The following SLC12A3 variants were observed in gnomAD, a reference collection of about 807,000 sequenced individuals.
The protein encoded by SLC12A3 is Na-Cl cotransporter.
In SLC12A3, 104 loss-of-function variants were observed where a neutral mutation model predicts 121.0. The observed-to-expected ratio is 0.86, with a 90% CI of 0.73 to 1.01. The LOEUF (loss-of-function observed/expected upper bound fraction) is 1.01, where lower values mean the gene tolerates loss of function less well. SLC12A3 is among the 50% of genes least tolerant of loss of function. The probability of loss-of-function intolerance (pLI) is 0.00; values close to 1 mark genes in which losing one functional copy is unlikely to be tolerated. For synonymous variants in SLC12A3, 536 were observed against 533.4 expected (o/e 1.00, Z -0.07); for missense variants, 1,328 against 1,356.3 (o/e 0.98, Z 0.33).
intron 24 of SLC12A3, among the ~76,000 whole-genome samples, chr16:56,902,929 T>C (rs780276594): frequency 2.6e-5 from 4 of 152,020 alleles, no homozygotes; most frequent in African/African-American, 4.8e-5. Context: ...GTGGATCACT[T>C]GAGGTCAGGA....
rs150006445 is a variant in SLC12A3 at position 56,884,154 on chromosome 16, C to T, written c.1775C>T (p.Ala592Val). The T allele has an allele frequency of 1.2e-5, 19 of 1,614,196 alleles. No homozygotes were observed. In the East Asian group the frequency reaches 4.0e-4, roughly 34 times the overall value. ...CTCACCTGGTGGGCGGCCCTCATCGCCATTGGCGTGGTGCTCTTCCTCCTG... is the reference window on the plus strand; with the variant it reads ...CTCACCTGGTGGGCGGCCCTCATCGTCATTGGCGTGGTGCTCTTCCTCCTG... The part of the protein sequence containing the change: ...FLLTWWAALI[A>V]IGVVLFLLLY... Residue 592 changes from alanine (A) to valine (V), a missense_variant, in exon 14 of 26, where the codon GCC (alanine) becomes GTC (valine). Physicochemically the swap from Ala to Val is moderately conservative, Grantham distance 64. Coordinates refer to ENST00000563236, the MANE Select transcript of SLC12A3 (RefSeq NM_001126108.2).
chr16:56,887,209 A>T, intron 17 of SLC12A3, 116 bp downstream of exon 17: 1 of 1,348,292 alleles, frequency 7.4e-7, no homozygotes, highest in Non-Finnish European at 1.0e-6. Context: ...AGGAGCCCCA[A>T]CTTTTTTTTT....
chr16:56,902,214 G>T, intron 23 of SLC12A3, 159 bp from the exon 24 acceptor site: 1 of 892,938 alleles, frequency 1.1e-6, no homozygotes, highest in Non-Finnish European at 1.7e-6. Flanking sequence ...CAGCAGAGCT[G>T]AATTCAACAT....
At chr16:56,869,598 A>C (rs2055060833) in intron 3 of SLC12A3, 131 bp from the exon 4 acceptor site, 1 of 768,014 alleles carries the variant, frequency 1.3e-6, no homozygotes, top group Non-Finnish European at 2.3e-6. Context: ...AGTGACAGAG[A>C]CCCATTTTTC....
chr16:56,877,892 G>A (rs1432669729), intron 8 of SLC12A3, among the ~76,000 whole-genome samples, 185 bp from the exon 9 acceptor site: 1 of 152,230 alleles, frequency 6.6e-6, no homozygotes, highest in Non-Finnish European at 1.5e-5. Flanking sequence ...TCAGTCATGA[G>A]GCTCCTTCCT....
intron 22 of SLC12A3, among the ~76,000 whole-genome samples, chr16:56,896,837 AT>A (rs1307864649): frequency 6.6e-6 from 1 of 152,140 alleles, no homozygotes; most frequent in African/African-American, 2.4e-5. Context: ...TATGCTTGCA[AT>A]CTCAGCACTT....
At chr16:56,873,545 C>T (rs1365373522) in intron 8 of SLC12A3, among the ~76,000 whole-genome samples, 2 of 149,412 alleles carry the variant, frequency 1.3e-5, no homozygotes, top group Non-Finnish European at 3.0e-5. Context: ...TGCCACCGCA[C>T]CCGGTTAATA....
Position 56,899,574 on chromosome 16 carries a change from T to C in SLC12A3, c.2678T>C (p.Val893Ala). The C allele has an allele frequency of 6.2e-7, 1 of 1,614,170 alleles. No homozygotes were observed. The highest frequency in any genetic ancestry group is 8.5e-7 in the Non-Finnish European group (1 of 1,179,974). The change falls in exon 23 of 26, where the codon GTC (valine) becomes GCC (alanine). Residue 893 changes from valine (V) to alanine (A), a missense_variant. Physicochemically the swap from Val to Ala is moderately conservative, Grantham distance 64 (BLOSUM62 0). Coordinates refer to ENST00000563236, the MANE Select transcript of SLC12A3 (RefSeq NM_001126108.2). ...LSKFRLGFHE[V>A]HILPDINQNP... is the part of the protein sequence containing the mutation. ...AAGTTCCGACTGGGATTCCATGAAG[T>C]CCACATCCTCCCTGACATCAACCAG...
chr16:56,882,281 CTG>C lies in SLC12A3; in HGVS notation c.1568-114_1568-113del, dbSNP rs2055251177. ...CATTTCACAGATGAGAAGGTTGAGACTGACTGAGCCTTGGTGGCCTGTCTGGG... is the reference window on the plus strand; with the variant it reads ...CATTTCACAGATGAGAAGGTTGAGACACTGAGCCTTGGTGGCCTGTCTGGG... On this transcript the variant is annotated intron_variant, in intron 12 of 25. Coordinates refer to ENST00000563236, the MANE Select transcript of SLC12A3 (RefSeq NM_001126108.2). 4.9e-6 allele frequency: 4 copies of C among 812,948 alleles called. No individual in the cohort carries two copies. The East Asian group carries it at 9.8e-5, about 20-fold the overall frequency. The allele number at this position is 812,948 out of a possible 1,614,324, so 50.4% of individuals were successfully genotyped here. A position where few individuals can be genotyped will look rare whatever the true frequency, so the allele number is the denominator to read the frequency against.
Position 56,904,386 on chromosome 16 carries a change from C to T in SLC12A3, c.2857-9C>T. On this transcript the variant is annotated splice_polypyrimidine_tract_variant and intron_variant, in intron 24 of 25. Coordinates refer to ENST00000563236, the MANE Select transcript of SLC12A3 (RefSeq NM_001126108.2). The stretch of plus-strand genomic sequence containing the variant: ...ATGGGAAGTGACCACTCGGCTTTCT[C>T]CCGCCCAGTCCCTTCGGCAGGTGAG... 6.2e-7 allele frequency: 1 copy of T among 1,613,742 alleles called. No homozygotes were observed. The highest frequency in any genetic ancestry group is 8.5e-7 in the Non-Finnish European group (1 of 1,179,628).
intron 8 of SLC12A3, 136 bp downstream of exon 8, chr16:56,872,922 C>T (rs562055247): frequency 1.7e-6 from 2 of 1,142,980 alleles, no homozygotes; most frequent in East Asian, 2.4e-5. Flanking sequence ...TCCAACTCAG[C>T]TCAGTTCAAC....
intron 25 of SLC12A3, among the ~76,000 whole-genome samples, chr16:56,912,509 T>C (rs711749): frequency 0.58 from 88,391 of 151,980 alleles, 26,251 homozygotes; most frequent in African/African-American, 0.68. Flanking sequence ...AACAGGAACA[T>C]ATCACATTGC....
Position 56,879,150 on chromosome 16 carries a change from G to A in SLC12A3, c.1258G>A (p.Ala420Thr), listed in dbSNP as rs137970015. ...TPGWGACEGL[A>T]CSYGWNFTEC... ...TGGCTGGGGTGCCTGCGAGGGGCTG[G>A]CCTGCAGCTATGGCTGGAACTTCAC... The change falls in exon 10 of 26, where the codon GCC (alanine) becomes ACC (threonine). Residue 420 changes from alanine to threonine, a missense_variant. Transcript: ENST00000563236. The A allele has an allele frequency of 2.4e-5, 38 of 1,613,636 alleles. No homozygotes were observed. Among genetic ancestry groups the A allele is most frequent in the East Asian group, 1.6e-4 (7 of 44,890 alleles).
intron 25 of SLC12A3, among the ~76,000 whole-genome samples, chr16:56,912,075 C>A (rs572857802): frequency 1.6e-3 from 250 of 152,390 alleles, no homozygotes; most frequent in African/African-American, 5.9e-3. Context: ...ATCCTCCTCC[C>A]GCCCCAGTTC....
chr16:56,888,030 C>A lies in SLC12A3; in HGVS notation c.2284C>A (p.His762Asn). 6.2e-7 allele frequency: 1 copy of A among 1,606,980 alleles called. No homozygotes were observed. The highest frequency in any genetic ancestry group is 8.5e-7 in the Non-Finnish European group (1 of 1,174,544). ...ATVEDYIGIL[H>N]DAFDFNYGVC... ...AGTGGAAGACTACATTGGCATCCTC[C>A]AGTGAGTCGGGGGAGAGGAAGGGGC... is the stretch of plus-strand genomic sequence containing the variant. Residue 762 changes from histidine (H) to asparagine (N), a missense_variant and splice_region_variant, in exon 18 of 26, where the codon CAT (histidine) becomes AAT (asparagine). Physicochemically the swap from His to Asn is moderately conservative, Grantham distance 68 (BLOSUM62 1). Transcript: ENST00000563236.
chr16:56,904,921 C>A (rs1045668726), intron 25 of SLC12A3: 5 of 290,608 alleles, frequency 1.7e-5, no homozygotes, highest in Non-Finnish European at 3.4e-5. Context: ...CTACTGGACC[C>A]ACGTCCAGTT....
At position 56,865,472 on chromosome 16, in the gene SLC12A3, C is replaced by T; in HGVS notation, c.237C>T (p.Pro79=). 3 of 1,613,892 alleles carry T rather than the reference C, an allele frequency of 1.9e-6. 1 individual carries two copies. The African/African-American group carries it at 4.0e-5, about 22-fold the overall frequency. Residue 79 remains proline (P), a synonymous_variant, in exon 1 of 26, where the codon CCC becomes CCT. Coordinates refer to ENST00000563236, the MANE Select transcript of SLC12A3 (RefSeq NM_001126108.2). The part of the protein sequence containing the change: ...HYANSTQPGE[P]RKVRPTLADL... Reference sequence around the variant, plus strand: ...CCAACAGCACCCAGCCTGGTGAGCCCCGGAAGGTCCGGCCCACACTGGCTG... The same window carrying T: ...CCAACAGCACCCAGCCTGGTGAGCCTCGGAAGGTCCGGCCCACACTGGCTG...
intron 12 of SLC12A3, among the ~76,000 whole-genome samples, chr16:56,882,048 CAAA>C (rs34001750): frequency 8.6e-5 from 11 of 127,246 alleles, no homozygotes; most frequent in Admixed American, 1.6e-4. Context: ...GAGTCCGTCT[CAAA>C]AAAAAAAAAA....
At chr16:56,904,249 G>C (rs1246685052) in intron 24 of SLC12A3, 146 bp from the exon 25 acceptor site, 1 of 796,374 alleles carries the variant, frequency 1.3e-6, no homozygotes, top group East Asian at 2.7e-5. Flanking sequence ...CCTGGAGACA[G>C]GAGACTCTAT....
Sources: gnomAD v4.1 joint callset for allele counts (sites outside exome capture counted in the v4.1 genomes callset) on GRCh38, gnomAD v4.1.1 for gene constraint, MANE v1.5 for transcripts, NCBI Gene and HGNC (gene_info 2026-07-23, HGNC 2026-07-21) for gene names.